Variants in GC observed in about 807,000 individuals in gnomAD.
GC encodes GC vitamin D binding protein.
GC carries 43 observed loss-of-function variants against 56.7 expected under a neutral mutation model. That is an observed-to-expected ratio of 0.76 (90% confidence interval 0.59 to 0.98). GC has a LOEUF of 0.98. GC is among the 50% of genes least tolerant of loss of function. The pLI, the probability that GC is intolerant of heterozygous loss-of-function variation, is 0.00. For synonymous variants in GC, 216 were observed against 202.7 expected (o/e 1.07, Z -0.56); for missense variants, 529 against 545.9 (o/e 0.97, Z 0.31).
intron 3 of GC, among the ~76,000 whole-genome samples, chr4:71,767,574 A>T (rs1328557127): frequency 1.3e-5 from 2 of 150,164 alleles, no homozygotes; most frequent in African/African-American, 4.9e-5. Flanking sequence ...GCTATACACA[A>T]TATTTTAGAA....
intron 11 of GC, among the ~76,000 whole-genome samples, chr4:71,748,180 A>G (rs555184025): frequency 3.6e-4 from 55 of 152,326 alleles, no homozygotes; most frequent in Middle Eastern, 3.4e-3. Context: ...CTATAAATAC[A>G]TACATGCCAG....
intron 1 of GC, chr4:71,803,783 T>C: frequency 1.5e-6 from 1 of 651,956 alleles, no homozygotes; most frequent in Admixed American, 2.3e-5. Context: ...AGAAATCACT[T>C]TCTTATATTT....
chr4:71,765,447 T>G lies in GC; in HGVS notation c.458A>C (p.Lys153Thr). The change falls in exon 4 of 13, where the codon AAG becomes ACG. Residue 153 changes from lysine (K) to threonine (T), a missense_variant. Lys to Thr is a moderately conservative substitution (Grantham distance 78). Coordinates refer to ENST00000273951, the MANE Select transcript of GC (RefSeq NM_000583.4). ...AGGCACTCACTGATTAGCATATTCCTTTGGATCTTTCCTGAACGCCTCACA... is the reference window on the plus strand; with the variant it reads ...AGGCACTCACTGATTAGCATATTCCGTTGGATCTTTCCTGAACGCCTCACA... ...EICEAFRKDP[K>T]EYANQFMWEY... The G allele has an allele frequency of 1.2e-6, 2 of 1,613,442 alleles. No homozygotes were observed. The highest frequency in any genetic ancestry group is 2.2e-5 in the South Asian group (2 of 91,064).
chr4:71,751,986 A>G (rs570281243), intron 11 of GC, among the ~76,000 whole-genome samples: 185 of 152,188 alleles, frequency 1.2e-3, no homozygotes, highest in African/African-American at 4.2e-3. Flanking sequence ...AAGTTAAATA[A>G]TATTTTTATA....
chr4:71,764,865 G>A (rs979581920), intron 4 of GC, among the ~76,000 whole-genome samples: 2 of 151,954 alleles, frequency 1.3e-5, no homozygotes, highest in Admixed American at 1.3e-4. Flanking sequence ...TCATTTTTGT[G>A]ACCTTCCAAG....
chr4:71,745,993 A>G (rs1054502265), intron 12 of GC, among the ~76,000 whole-genome samples, 158 bp downstream of exon 12: 2 of 151,720 alleles, frequency 1.3e-5, no homozygotes, highest in East Asian at 3.9e-4. Context: ...TATAAGTGTA[A>G]GCTCTTTAAC....
intron 10 of GC, among the ~76,000 whole-genome samples, chr4:71,752,963 T>G (rs1047874654): frequency 1.3e-5 from 2 of 152,154 alleles, no homozygotes; most frequent in African/African-American, 4.8e-5. Context: ...TCACCTTCTC[T>G]TCAGTTTTAA....
chr4:71,758,585 C>T lies in GC; in HGVS notation c.702-414G>A, dbSNP rs917271118. ...GAAACTATAGAGACCTGTAGCTTTA[C>T]ACCACAGAGTTAACAAATGTTCACA... On this transcript the variant is annotated intron_variant, in intron 6 of 12. Transcript: ENST00000273951. 7.2e-5 allele frequency among the ~76,000 whole-genome samples: 11 copies of T among 152,266 alleles called. 1 individual carries two copies. The highest frequency in any genetic ancestry group is 2.6e-4 in the African/African-American group (11 of 41,550).
At chr4:71,786,272 T>C (rs1742832593), upstream of GC, among the ~76,000 whole-genome samples, 1 of 151,758 alleles carries the variant, frequency 6.6e-6, no homozygotes, top group Non-Finnish European at 1.5e-5. Flanking sequence ...TATGTAACTT[T>C]CCTTAATCTT....
chr4:71,746,185 AT>A lies in GC; in HGVS notation c.1415del (p.Asn472IlefsTer24), dbSNP rs1741357836. On this transcript the variant is annotated frameshift_variant, in exon 12 of 13. Coordinates refer to ENST00000273951, the MANE Select transcript of GC (RefSeq NM_000583.4). LOFTEE classifies it high-confidence loss of function. The part of the protein sequence containing the change: ...CDSEIDAELK[N>X]IL ...TAAACATGCTTCAGGACTACAGGAT[AT>A]TCTTCAATTCAGCATCAATCTGATA... The A allele has an allele frequency of 9.0e-6, 12 of 1,340,466 alleles. No individual in the cohort carries two copies. Among genetic ancestry groups the A allele is most frequent in the African/African-American group, 5.8e-5 (4 of 69,220 alleles). 83.0% of individuals were successfully genotyped at this position (1,340,466 alleles called of 1,614,324 possible).
At chr4:71,744,981 G>C (rs1741314097) in intron 12 of GC, among the ~76,000 whole-genome samples, 1 of 152,156 alleles carries the variant, frequency 6.6e-6, no homozygotes, top group African/African-American at 2.4e-5. Context: ...TTGTATACCA[G>C]AGCACAAAAA....
chr4:71,755,148 CTATTTATT>C lies in GC; in HGVS notation c.1035-49_1035-42del, dbSNP rs58603194. The stretch of plus-strand genomic sequence containing the variant: ...AAAGGAGATATGTGTTATATATTTC[CTATTTATT>C]TATTTATTTATTTATTTATTTTTTG... On this transcript the variant is annotated intron_variant, in intron 8 of 12. Coordinates refer to ENST00000273951, the MANE Select transcript of GC (RefSeq NM_000583.4). 5.7e-4 allele frequency: 245 copies of C among 429,470 alleles called. 1 individual carries two copies. Among genetic ancestry groups the C allele is most frequent in the African/African-American group, 4.3e-3 (200 of 46,758 alleles). 26.6% of individuals were successfully genotyped at this position (429,470 alleles called of 1,614,324 possible). A position where few individuals can be genotyped will look rare whatever the true frequency, so the allele number is the denominator to read the frequency against.
At position 71,752,550 on chromosome 4, in the gene GC, T is replaced by C. The variant is rs769190296; in HGVS notation, c.1363A>G (p.Ile455Val). The C allele has an allele frequency of 3.1e-6, 5 of 1,613,484 alleles. No individual in the cohort carries two copies. Among genetic ancestry groups the C allele is most frequent in the East Asian group, 2.2e-5 (1 of 44,888 alleles). The change falls in exon 11 of 13, where the codon ATA becomes GTA. Residue 455 changes from isoleucine to valine, a missense_variant. Transcript: ENST00000273951. ...HSDFASNCCS[I>V]NSPPLYCDSE... is the part of the protein sequence containing the mutation. The stretch of plus-strand genomic sequence containing the variant: ...TCACAGTAAAGAGGAGGTGAGTTTA[T>C]GGAACAGCAGTTGGAGGCAAAGTCT...
chr4:71,772,968 T>C (rs759266130), intron 1 of GC, among the ~76,000 whole-genome samples: 2 of 152,078 alleles, frequency 1.3e-5, no homozygotes, highest in Non-Finnish European at 2.9e-5. Context: ...AATACTAAAG[T>C]TAATTTGCAA....
chr4:71,785,397 A>G (rs1742809018), upstream of GC, among the ~76,000 whole-genome samples: 1 of 151,728 alleles, frequency 6.6e-6, no homozygotes, highest in Admixed American at 6.6e-5. Context: ...CAGATAAGTG[A>G]TTTAAAACTT....
chr4:71,778,840 C>CG (rs1742584138), intron 1 of GC, among the ~76,000 whole-genome samples: 1 of 151,242 alleles, frequency 6.6e-6, no homozygotes, highest in African/African-American at 2.4e-5. Flanking sequence ...CCTCAGTTTT[C>CG]TCATTTGTAA....
intron 7 of GC, among the ~76,000 whole-genome samples, chr4:71,757,633 A>G (rs1741826929): frequency 6.6e-6 from 1 of 152,218 alleles, no homozygotes; most frequent in Non-Finnish European, 1.5e-5. Flanking sequence ...ACTATCCAAT[A>G]CCATTGTGCA....
intron 1 of GC, among the ~76,000 whole-genome samples, chr4:71,780,956 T>C (rs1044506434): frequency 2.7e-4 from 41 of 152,134 alleles, no homozygotes; most frequent in African/African-American, 9.2e-4. Flanking sequence ...TGTGGCACTA[T>C]TCACAATAGC....
intron 1 of GC, among the ~76,000 whole-genome samples, chr4:71,781,010 A>T (rs1304478569): frequency 6.6e-6 from 1 of 152,106 alleles, no homozygotes; most frequent in Non-Finnish European, 1.5e-5. Context: ...GATAGACCGG[A>T]TTTAAAAAAT....
Sources: gnomAD v4.1 joint callset for allele counts (sites outside exome capture counted in the v4.1 genomes callset) on GRCh38, gnomAD v4.1.1 for gene constraint, MANE v1.5 for transcripts, NCBI Gene and HGNC (gene_info 2026-07-23, HGNC 2026-07-21) for gene names.